Variants in VMP1 observed in about 807,000 individuals in gnomAD.
VMP1 encodes the protein vacuole membrane protein 1.
A neutral mutation model predicts 56.0 loss-of-function variants in VMP1; 11 were observed. That is an observed-to-expected ratio of 0.20 (90% confidence interval 0.12 to 0.32). The LOEUF (loss-of-function observed/expected upper bound fraction) is 0.32. VMP1 is among the 10% of genes least tolerant of loss of function. The pLI is 1.00. For synonymous variants in VMP1, 149 were observed against 165.0 expected (o/e 0.90, Z 0.74); for missense variants, 296 against 490.3 (o/e 0.60, Z 3.74).
chr17:59,821,583 T>C (rs1162381034), intron 10 of VMP1, among the ~76,000 whole-genome samples: 2 of 143,500 alleles, frequency 1.4e-5, no homozygotes, highest in Non-Finnish European at 3.0e-5. Context: ...TTCACTCTCG[T>C]TGCCCAGGCT....
chr17:59,714,210 G>A (rs900216449), intron 1 of VMP1, among the ~76,000 whole-genome samples: 5 of 152,084 alleles, frequency 3.3e-5, no homozygotes, highest in Admixed American at 1.3e-4. Context: ...GGGCCTTCTT[G>A]CTGGAGGGAC....
intron 3 of VMP1, 79 bp from the exon 4 acceptor site, chr17:59,737,374 T>C: frequency 1.4e-6 from 2 of 1,444,752 alleles, no homozygotes; most frequent in South Asian, 2.6e-5. Context: ...CCTAACTGTT[T>C]CAGCAAGAAA....
intron 5 of VMP1, among the ~76,000 whole-genome samples, chr17:59,761,715 AGTAGTTCTT>A (rs1327908115): frequency 1.3e-5 from 2 of 152,174 alleles, no homozygotes; most frequent in Non-Finnish European, 2.9e-5. Context: ...TTCTTTTCCC[AGTAGTTCTT>A]GTAGTTCTTT....
rs978590585 is a variant in VMP1 at position 59,836,626 on chromosome 17, C to CGT, written c.975-1657_975-1656dup. 9.9e-5 allele frequency among the ~76,000 whole-genome samples: 15 copies of CGT among 151,286 alleles called. No individual in the cohort carries two copies. The South Asian group carries it at 2.1e-3, about 21-fold the overall frequency. ...AAATTATTTTGTTCACAGATCAGTTCGTGTGTGTGTGTGCGCACACATGTG... is the reference window on the plus strand; with the variant it reads ...AAATTATTTTGTTCACAGATCAGTTCGTGTGTGTGTGTGTGCGCACACATGTG... On this transcript the variant is annotated intron_variant, in intron 10 of 11. Coordinates refer to ENST00000262291, the MANE Select transcript of VMP1 (RefSeq NM_030938.5).
intron 1 of VMP1, among the ~76,000 whole-genome samples, chr17:59,728,195 G>T (rs1325165494): frequency 6.6e-6 from 1 of 151,994 alleles, no homozygotes; most frequent in Non-Finnish European, 1.5e-5. Flanking sequence ...CATAAATTTT[G>T]AAAATAGTTA....
chr17:59,798,373 A>T (rs1016288361), intron 7 of VMP1, among the ~76,000 whole-genome samples: 1 of 152,190 alleles, frequency 6.6e-6, no homozygotes, highest in Non-Finnish European at 1.5e-5. Context: ...ACTTTTGAAA[A>T]GTGTAATTTG....
At chr17:59,736,398 G>A (rs1409488381) in intron 3 of VMP1, among the ~76,000 whole-genome samples, 20 of 58,296 alleles carry the variant, frequency 3.4e-4, no homozygotes. Flanking sequence ...ACGATACTCT[G>A]TCTCAAAAAA....
At chr17:59,720,662 T>C (rs927500377) in intron 1 of VMP1, among the ~76,000 whole-genome samples, 3 of 152,226 alleles carry the variant, frequency 2.0e-5, no homozygotes, top group Non-Finnish European at 4.4e-5. Flanking sequence ...TGCCAGTCAC[T>C]GTGTAGTGCA....
intron 6 of VMP1, among the ~76,000 whole-genome samples, chr17:59,771,332 C>T (rs2036417725): frequency 6.6e-6 from 1 of 151,892 alleles, no homozygotes; most frequent in South Asian, 2.1e-4. Flanking sequence ...GCTACCATGC[C>T]AAGCTAATTT....
intron 1 of VMP1, among the ~76,000 whole-genome samples, chr17:59,724,891 G>A (rs1242172835): frequency 1.3e-5 from 2 of 152,050 alleles, no homozygotes; most frequent in Admixed American, 6.5e-5. Flanking sequence ...GCATGAACCC[G>A]GGAGGTGGAG....
chr17:59,724,219 AAAAAAAAG>A (rs2034506543), intron 1 of VMP1, among the ~76,000 whole-genome samples: 1 of 151,290 alleles, frequency 6.6e-6, no homozygotes, highest in Non-Finnish European at 1.5e-5. Context: ...CTCAAAAAAA[AAAAAAAAG>A]AAAGAAAAGA....
intron 5 of VMP1, among the ~76,000 whole-genome samples, chr17:59,745,025 C>T (rs1296578285): frequency 6.6e-6 from 1 of 152,144 alleles, no homozygotes; most frequent in African/African-American, 2.4e-5. Flanking sequence ...TTGTCATACT[C>T]ATGCTAATAC....
chr17:59,731,315 C>A lies in VMP1; in HGVS notation c.-26-106C>A, dbSNP rs879028236. 3 of 614,588 alleles carry A rather than the reference C, an allele frequency of 4.9e-6. 1 individual carries two copies. In the South Asian group the frequency reaches 6.5e-5, roughly 13 times the overall value. The allele number at this position is 614,588 out of a possible 1,614,324, so 38.1% of individuals were successfully genotyped here. On this transcript the variant is annotated intron_variant, in intron 1 of 11. Coordinates refer to ENST00000262291, the MANE Select transcript of VMP1 (RefSeq NM_030938.5). ...AAAAGTGTAAACACATCATACATAT[C>A]ATGTGGCTTATTACTGTGATGTTAT... is the stretch of plus-strand genomic sequence containing the variant.
intron 6 of VMP1, among the ~76,000 whole-genome samples, chr17:59,767,251 A>C (rs1288335849): frequency 6.6e-6 from 1 of 152,164 alleles, no homozygotes; most frequent in African/African-American, 2.4e-5. Flanking sequence ...ATGAGCATGA[A>C]TACCATACCC....
intron 5 of VMP1, among the ~76,000 whole-genome samples, chr17:59,742,961 G>A (rs1233919283): frequency 6.6e-6 from 1 of 152,116 alleles, no homozygotes; most frequent in African/African-American, 2.4e-5. Flanking sequence ...TGGAAAACTT[G>A]TCTTCCACGA....
rs1000513812 is a variant in VMP1, at chr17:59,838,501, G to A, written c.1077+104G>A. ...TTAGGCAAATAAGTGAAGTTGGTTT[G>A]CCAGTGTTCCTTGACAGAAGTTGAG... On this transcript the variant is annotated intron_variant, in intron 11 of 11. Coordinates refer to ENST00000262291, the MANE Select transcript of VMP1 (RefSeq NM_030938.5). 6.2e-5 allele frequency: 74 copies of A among 1,192,684 alleles called. No individual in the cohort carries two copies. The Middle Eastern group carries it at 1.1e-3, about 18-fold the overall frequency. The allele number at this position is 1,192,684 out of a possible 1,614,324, so 73.9% of individuals were successfully genotyped here.
In VMP1 at chr17:59,841,271, G is replaced by A. The variant is rs2039149064; in HGVS notation, c.*1360G>A. ...TCTCCATGGCTGTACCACCTTGTCGGGTAGCTTATCAGACTGATGTTGACT... is the reference window on the plus strand; with the variant it reads ...TCTCCATGGCTGTACCACCTTGTCGAGTAGCTTATCAGACTGATGTTGACT... On this transcript the variant is annotated 3_prime_UTR_variant, in exon 12 of 12. Coordinates refer to ENST00000262291, the MANE Select transcript of VMP1 (RefSeq NM_030938.5). 1 of 504,674 alleles carries A rather than the reference G, an allele frequency of 2.0e-6. No individual in the cohort carries two copies. Among genetic ancestry groups the A allele is most frequent in the Non-Finnish European group, 4.2e-6 (1 of 236,894 alleles). The allele number at this position is 504,674 out of a possible 1,614,324, so 31.3% of individuals were successfully genotyped here.
chr17:59,823,064 G>A (rs568550968), intron 10 of VMP1, among the ~76,000 whole-genome samples: 12 of 152,164 alleles, frequency 7.9e-5, no homozygotes, highest in African/African-American at 1.7e-4. Flanking sequence ...CATCCTAGGC[G>A]ACAGAGTGAG....
intron 7 of VMP1, among the ~76,000 whole-genome samples, chr17:59,776,920 T>C (rs550039807): frequency 6.6e-6 from 1 of 152,360 alleles, no homozygotes; most frequent in East Asian, 1.9e-4. Context: ...ATTTCTCCTT[T>C]TGTTTTTAAA....
Sources: allele counts gnomAD v4.1 joint callset (sites outside exome capture counted in the v4.1 genomes callset), GRCh38; gene constraint gnomAD v4.1.1; transcripts MANE v1.5; gene names NCBI Gene and HGNC (gene_info 2026-07-23, HGNC 2026-07-21).